The following TIMELESS variants were observed in gnomAD, a reference collection of about 807,000 sequenced individuals.
TIMELESS encodes protein timeless homolog.
TIMELESS carries 124 observed loss-of-function variants against 164.3 expected under a neutral mutation model. The observed-to-expected ratio is 0.75, with a 90% CI of 0.65 to 0.88. The LOEUF is 0.88. Among genes scored for constraint, TIMELESS ranks in the 40% least tolerant of loss-of-function variants. TIMELESS has a pLI of 0.00. For missense variants in TIMELESS, 1,422 were observed against 1,491.4 expected, an observed-to-expected ratio of 0.95 and a Z score of 0.77; for synonymous variants, 564 against 563.4, an observed-to-expected ratio of 1.00 and a Z score of -0.02.
At chr12:56,421,520 C>A (rs1421436261) in intron 22 of TIMELESS, 27 bp from the exon 23 acceptor site, 1 of 1,599,796 alleles carries the variant, frequency 6.3e-7, no homozygotes, top group Admixed American at 1.7e-5. Context: ...TGTGAATACC[C>A]AAGGGTAACA....
At chr12:56,431,869 G>A (rs1285627182) in intron 7 of TIMELESS, among the ~76,000 whole-genome samples, 5 of 127,170 alleles carry the variant, frequency 3.9e-5, no homozygotes, top group East Asian at 3.4e-4. Flanking sequence ...GAACATGTAC[G>A]TTCTATGTTT....
rs539202257 is a variant in TIMELESS at position 56,417,940 on chromosome 12, C to T, written c.3523G>A (p.Glu1175Lys). ...PKKRQLLDSD[E>K]EQEEDEGRNR... ...CTGCCCTCATCTTCTTCCTGTTCCT[C>T]GTCGCTGTCCAGCAATTGTCGTTTC... Residue 1175 changes from glutamate to lysine, a missense_variant, in exon 28 of 29, where the codon GAG (glutamate) becomes AAG (lysine). Coordinates refer to ENST00000553532, the MANE Select transcript of TIMELESS (RefSeq NM_003920.5). 6.2e-6 allele frequency: 10 copies of T among 1,614,240 alleles called. No homozygotes were observed. Among genetic ancestry groups the T allele is most frequent in the South Asian group, 3.3e-5 (3 of 91,090 alleles).
intron 26 of TIMELESS, among the ~76,000 whole-genome samples, chr12:56,420,264 G>T (rs1881421964): frequency 6.6e-6 from 1 of 151,724 alleles, no homozygotes; most frequent in South Asian, 2.1e-4. Context: ...TCTGTGGGCA[G>T]GGGGGTCCTG....
At position 56,417,766 on chromosome 12, in the gene TIMELESS, C is replaced by T; in HGVS notation, c.3577G>A (p.Gly1193Arg). 1 of 1,614,180 alleles carries T rather than the reference C, an allele frequency of 6.2e-7. No individual in the cohort carries two copies. The highest frequency in any genetic ancestry group is 8.5e-7 in the Non-Finnish European group (1 of 1,180,028). The change falls in exon 29 of 29, where the codon GGA becomes AGA. Residue 1193 changes from glycine to arginine, a missense_variant. Transcript: ENST00000553532. ...RNRAPELGAP[G>R]IQKKKRYQIE... ...TGGTATCGTTTCTTCTTTTGGATTC[C>T]TGGAGCTCCCAACTCTGGTGCTGTG...
intron 28 of TIMELESS, 53 bp downstream of exon 28, chr12:56,417,852 TAG>T: frequency 2.5e-6 from 4 of 1,613,576 alleles, no homozygotes; most frequent in Non-Finnish European, 3.4e-6. Context: ...AAGGACGTGG[TAG>T]AGTTTGTCTT....
At position 56,428,814 on chromosome 12, in the gene TIMELESS, A is replaced by C. The variant is rs574376075; in HGVS notation, c.1304+69T>G. ...ATCACCTGAACCCTGAATCAGGAAA[A>C]AAGCACCAGCCAGAATTCAAGCATT... is the stretch of plus-strand genomic sequence containing the variant. On this transcript the variant is annotated intron_variant, in intron 11 of 28. Transcript: ENST00000553532. 71 of 1,563,834 alleles carry C rather than the reference A, an allele frequency of 4.5e-5. No individual in the cohort carries two copies. In the African/African-American group the frequency reaches 8.9e-4, roughly 20 times the overall value.
intron 5 of TIMELESS, 91 bp downstream of exon 5, chr12:56,433,290 G>A (rs138769227): frequency 3.4e-6 from 5 of 1,476,560 alleles, no homozygotes; most frequent in Middle Eastern, 3.8e-4. Context: ...CATCCCCAAG[G>A]ACTGGGACCA....
At position 56,428,926 on chromosome 12, in the gene TIMELESS, T is replaced by C. The variant is rs758317286; in HGVS notation, c.1261A>G (p.Met421Val). 3 of 1,614,068 alleles carry C rather than the reference T, an allele frequency of 1.9e-6. No homozygotes were observed. In the East Asian group the frequency reaches 6.7e-5, roughly 36 times the overall value. The change falls in exon 11 of 29, where the codon ATG becomes GTG. Residue 421 changes from methionine (M) to valine (V), a missense_variant. Physicochemically the swap from Met to Val is conservative, Grantham distance 21 (BLOSUM62 1). Transcript: ENST00000553532. ...IEQNLTNYYEMMLTDRKEAAS... is the reference protein window; with the variant it reads ...IEQNLTNYYEVMLTDRKEAAS... ...GCTTCCTTGCGGTCAGTCAGCATCA[T>C]CTCATAGTAGTTGGTGAGGTTCTGC... is the stretch of plus-strand genomic sequence containing the variant.
In TIMELESS at chr12:56,428,633, C is replaced by T. The variant is rs778786393; in HGVS notation, c.1324G>A (p.Ala442Thr). 1 of 1,614,116 alleles carries T rather than the reference C, an allele frequency of 6.2e-7. No individual in the cohort carries two copies. Among genetic ancestry groups the T allele is most frequent in the East Asian group, 2.2e-5 (1 of 44,880 alleles). Reference sequence around the variant, plus strand: ...ACTGTTGCCAGCAGCTCCTGATAGGCCTTCAGAGCCAAGTGCATCCTGAGA... The same window carrying T: ...ACTGTTGCCAGCAGCTCCTGATAGGTCTTCAGAGCCAAGTGCATCCTGAGA... ...WARRMHLALK[A>T]YQELLATVNE... Residue 442 changes from alanine to threonine, a missense_variant, in exon 12 of 29, where the codon GCC becomes ACC. By Grantham distance (58) the Ala-to-Thr change is moderately conservative (BLOSUM62 0). Coordinates refer to ENST00000553532, the MANE Select transcript of TIMELESS (RefSeq NM_003920.5).
Position 56,432,396 on chromosome 12 carries a change from C to G in TIMELESS, c.660G>C (p.Glu220Asp), listed in dbSNP as rs144678697. 1 of 1,614,036 alleles carries G rather than the reference C, an allele frequency of 6.2e-7. No homozygotes were observed. Among genetic ancestry groups the G allele is most frequent in the African/African-American group, 1.3e-5 (1 of 74,930 alleles). ...AEEQWSLHVLEIVSLMFRDQN... is the reference protein window; with the variant it reads ...AEEQWSLHVLDIVSLMFRDQN... ...GGTCACGAAACATAAGGGAGACAATCTCTAGCACATGTAGGCTCCATTGCT... is the reference window on the plus strand; with the variant it reads ...GGTCACGAAACATAAGGGAGACAATGTCTAGCACATGTAGGCTCCATTGCT... Residue 220 changes from glutamate (E) to aspartate (D), a missense_variant, in exon 7 of 29, where the codon GAG becomes GAC. Coordinates refer to ENST00000553532, the MANE Select transcript of TIMELESS (RefSeq NM_003920.5).
At chr12:56,436,438 A>T (rs1882073407) in intron 1 of TIMELESS, among the ~76,000 whole-genome samples, 1 of 152,226 alleles carries the variant, frequency 6.6e-6, no homozygotes, top group Non-Finnish European at 1.5e-5. Context: ...TGGGCCACAG[A>T]GCAAGACTCC....
chr12:56,423,093 CCTCA>C (rs1881551033), intron 18 of TIMELESS, 101 bp from the exon 19 acceptor site: 2 of 1,457,378 alleles, frequency 1.4e-6, no homozygotes, highest in Non-Finnish European at 1.9e-6. Flanking sequence ...GCTGCCCCCT[CCTCA>C]CTCACTCTCT....
chr12:56,423,469 T>C lies in TIMELESS; in HGVS notation c.2097A>G (p.Ala699=), dbSNP rs768882570. The part of the protein sequence containing the change: ...FNFLDYLKRF[A]CSTVVRAYVL... The stretch of plus-strand genomic sequence containing the variant: ...CATAGGCTCGAACGACAGTTGAACA[T>C]GCAAAGCTGCACCAAAACAAGGAGG... The change falls in exon 18 of 29, where the codon GCA becomes GCG. Residue 699 remains alanine, a synonymous_variant. Transcript: ENST00000553532. The C allele has an allele frequency of 5.0e-6, 8 of 1,614,056 alleles. No individual in the cohort carries two copies. The highest frequency in any genetic ancestry group is 5.9e-6 in the Non-Finnish European group (7 of 1,180,002).
intron 9 of TIMELESS, among the ~76,000 whole-genome samples, chr12:56,430,590 C>T (rs753177550): frequency 6.6e-6 from 1 of 152,148 alleles, no homozygotes; most frequent in African/African-American, 2.4e-5. Context: ...TGGTCTCGAA[C>T]TCCTGGGCTC....
chr12:56,425,015 C>G lies in TIMELESS; in HGVS notation c.1716G>C (p.Gln572His). The change falls in exon 14 of 29, where the codon CAG becomes CAC. Residue 572 changes from glutamine (Q) to histidine (H), a missense_variant and splice_region_variant. Coordinates refer to ENST00000553532, the MANE Select transcript of TIMELESS (RefSeq NM_003920.5). ...ALAEQLQCCA[Q>H]NSELSMDSVV... The stretch of plus-strand genomic sequence containing the variant: ...AGACAGGGTTTCTGTAACCACCTAC[C>G]TGGGCACAGCACTGTAGCTGCTCAG... The G allele has an allele frequency of 6.2e-7, 1 of 1,614,200 alleles. No individual in the cohort carries two copies. Among genetic ancestry groups the G allele is most frequent in the South Asian group, 1.1e-5 (1 of 91,076 alleles).
At chr12:56,437,129 A>G (rs544372170) in intron 1 of TIMELESS, among the ~76,000 whole-genome samples, 1 of 152,236 alleles carries the variant, frequency 6.6e-6, no homozygotes, top group African/African-American at 2.4e-5. Flanking sequence ...GGGTTTTACC[A>G]TATTGGCCAG....
chr12:56,436,538 G>A (rs1393083620), intron 1 of TIMELESS, among the ~76,000 whole-genome samples: 2 of 152,194 alleles, frequency 1.3e-5, no homozygotes, highest in African/African-American at 4.8e-5. Flanking sequence ...AGTTAAGGAA[G>A]TCTGCTAACC....
At chr12:56,439,176 A>G (rs1882172738) in intron 1 of TIMELESS, among the ~76,000 whole-genome samples, 1 of 145,020 alleles carries the variant, frequency 6.9e-6, no homozygotes, top group African/African-American at 2.6e-5. Flanking sequence ...TCAAAAAAAA[A>G]AAAAAAAAAA....
chr12:56,432,620 C>A, intron 6 of TIMELESS, 96 bp from the exon 7 acceptor site: 1 of 1,509,496 alleles, frequency 6.6e-7, no homozygotes, highest in Non-Finnish European at 9.0e-7. Context: ...AGCCTCCTCT[C>A]CCAGACTTGT....
Sources: allele counts gnomAD v4.1 joint callset (sites outside exome capture counted in the v4.1 genomes callset), GRCh38; gene constraint gnomAD v4.1.1; transcripts MANE v1.5; gene names NCBI Gene and HGNC (gene_info 2026-07-23, HGNC 2026-07-21).